Variants in ANK3 observed in about 807,000 individuals in gnomAD.
The protein encoded by ANK3 is ankyrin-3.
Under a neutral mutation model 370.9 loss-of-function variants are expected in ANK3, and 57 were observed. That is an observed-to-expected ratio of 0.15 (90% CI 0.12 to 0.19). ANK3 has a LOEUF of 0.19. Among genes scored for constraint, ANK3 ranks in the 10% least tolerant of loss-of-function variants. The pLI is 1.00. For missense variants in ANK3, 4,439 were observed against 5,302.1 expected (o/e 0.84, Z 5.06); for synonymous variants, 1,929 against 1,946.3 (o/e 0.99, Z 0.23).
At chr10:60,349,549 T>C (rs917842717) in intron 1 of ANK3, among the ~76,000 whole-genome samples, 3 of 152,096 alleles carry the variant, frequency 2.0e-5, no homozygotes, top group Non-Finnish European at 4.4e-5. Context: ...TATGAAAATC[T>C]TAATCCTTAC....
chr10:60,114,192 A>C, intron 26 of ANK3, 33 bp downstream of exon 26: 1 of 1,231,164 alleles, frequency 8.1e-7, no homozygotes, highest in Non-Finnish European at 1.2e-6. Context: ...TTCATGTAGT[A>C]GGATAATGAA....
chr10:60,665,211 A>T (rs2078981597), intron 1 of ANK3, among the ~76,000 whole-genome samples: 1 of 152,156 alleles, frequency 6.6e-6, no homozygotes, highest in South Asian at 2.1e-4. Flanking sequence ...ACTGTTAAAA[A>T]TTTATTTTTA....
intron 2 of ANK3, among the ~76,000 whole-genome samples, chr10:60,420,025 G>A (rs866555641): frequency 6.6e-6 from 1 of 152,086 alleles, no homozygotes; most frequent in Admixed American, 6.6e-5. Context: ...TGACACGGAT[G>A]ATCTCCAAAT....
intron 2 of ANK3, among the ~76,000 whole-genome samples, chr10:60,455,128 TG>T (rs1462889807): frequency 2.0e-5 from 3 of 152,204 alleles, no homozygotes; most frequent in Non-Finnish European, 4.4e-5. Flanking sequence ...AAGAGGTTTC[TG>T]GTTATGAAAA....
At position 60,092,794 on chromosome 10, in the gene ANK3, G is replaced by T. The variant is rs552800486; in HGVS notation, c.3329-4436C>A. 2.0e-5 allele frequency among the ~76,000 whole-genome samples: 3 copies of T among 152,298 alleles called. No individual in the cohort carries two copies. In the South Asian group the frequency reaches 6.2e-4, roughly 32 times the overall value. On this transcript the variant is annotated intron_variant, in intron 28 of 43. Coordinates refer to ENST00000280772, the MANE Select transcript of ANK3 (RefSeq NM_020987.5). ...TCTGTTGGCTAGGCTGGAGTGCAGG[G>T]GCATGATCTCAGCTCACTGCAACCT...
intron 14 of ANK3, among the ~76,000 whole-genome samples, chr10:60,196,942 G>T (rs2096596226): frequency 6.6e-6 from 1 of 152,156 alleles, no homozygotes; most frequent in Admixed American, 6.5e-5. Flanking sequence ...TCACCAGGAT[G>T]AAGTTGGAGA....
At chr10:60,089,448 G>T (rs2087588492) in intron 28 of ANK3, among the ~76,000 whole-genome samples, 1 of 145,640 alleles carries the variant, frequency 6.9e-6, no homozygotes, top group African/African-American at 2.6e-5. Flanking sequence ...TCTCACTCCA[G>T]TCCATCCAGG....
At chr10:60,088,070 T>G (rs1212777623) in intron 29 of ANK3, 77 bp downstream of exon 29, 1 of 1,171,554 alleles carries the variant, frequency 8.5e-7, no homozygotes, top group Non-Finnish European at 1.3e-6. Flanking sequence ...GATGTTAGAA[T>G]AACTCTTTCC....
chr10:60,372,399 TTC>T (rs1441664936), intron 1 of ANK3, among the ~76,000 whole-genome samples: 2 of 151,572 alleles, frequency 1.3e-5, no homozygotes, highest in Non-Finnish European at 2.9e-5. Flanking sequence ...GGTATCACGA[TTC>T]TCTGTCTTAT....
At chr10:60,512,090 G>C (rs145045576) in intron 2 of ANK3, among the ~76,000 whole-genome samples, 1 of 151,742 alleles carries the variant, frequency 6.6e-6, no homozygotes, top group Non-Finnish European at 1.5e-5. Context: ...AGGAACTTTC[G>C]TCTTTTCCAT....
intron 28 of ANK3, among the ~76,000 whole-genome samples, chr10:60,099,281 C>T (rs1052039629): frequency 7.9e-5 from 12 of 152,192 alleles, no homozygotes; most frequent in African/African-American, 2.9e-4. Context: ...ACAAGTCATT[C>T]ATTTCTCCGT....
rs1284863264 is a variant in ANK3 at position 60,389,582 on chromosome 10, T to C, written c.-44A>G. ...CTCTCAAGCACACACGGCTTCCTTG[T>C]AAAAGGTGATATCCTCAGGCACCTC... is the stretch of plus-strand genomic sequence containing the variant. On this transcript the variant is annotated 5_prime_UTR_variant, in exon 1 of 44. Coordinates refer to ENST00000280772, the MANE Select transcript of ANK3 (RefSeq NM_020987.5). The C allele has an allele frequency of 2.5e-6, 4 of 1,607,440 alleles. No homozygotes were observed. The highest frequency in any genetic ancestry group is 3.4e-5 in the Admixed American group (2 of 58,640).
intron 1 of ANK3, chr10:60,684,960 A>T: frequency 6.5e-7 from 1 of 1,545,176 alleles, no homozygotes; most frequent in Non-Finnish European, 8.9e-7. Context: ...AATTGTTAGC[A>T]ACAGGTGAAC....
chr10:60,229,836 G>A (rs934212366), intron 8 of ANK3, among the ~76,000 whole-genome samples: 16 of 152,154 alleles, frequency 1.1e-4, no homozygotes, highest in African/African-American at 1.9e-4. Flanking sequence ...CAGGAAGTGT[G>A]CTAAGTATGC....
At chr10:60,041,401 C>G (rs1376704084) in intron 43 of ANK3, among the ~76,000 whole-genome samples, 1 of 152,242 alleles carries the variant, frequency 6.6e-6, no homozygotes, top group African/African-American at 2.4e-5. Flanking sequence ...GGTTAAGTCT[C>G]TGGCAAACAA....
At chr10:60,141,342 G>A (rs985777709) in intron 23 of ANK3, among the ~76,000 whole-genome samples, 1 of 152,096 alleles carries the variant, frequency 6.6e-6, no homozygotes, top group Admixed American at 6.5e-5. Context: ...GAAGTGCAAA[G>A]CAAAGGGAGA....
chr10:60,129,299 T>C (rs1181424992), intron 25 of ANK3, among the ~76,000 whole-genome samples: 1 of 152,186 alleles, frequency 6.6e-6, no homozygotes, highest in Non-Finnish European at 1.5e-5. Flanking sequence ...TCTGCAGGCA[T>C]CTTGCTTTTA....
At chr10:60,516,480 A>T (rs547733713) in intron 2 of ANK3, among the ~76,000 whole-genome samples, 2 of 152,262 alleles carry the variant, frequency 1.3e-5, no homozygotes, top group Non-Finnish European at 2.9e-5. Flanking sequence ...CTTGGTTTTC[A>T]CTGTAACGTC....
chr10:60,244,750 T>C (rs1236617267), intron 7 of ANK3, among the ~76,000 whole-genome samples: 1 of 152,200 alleles, frequency 6.6e-6, no homozygotes, highest in Non-Finnish European at 1.5e-5. Context: ...CTACCATCCT[T>C]GTTCACGCTA....
Sources: allele counts gnomAD v4.1 joint callset (sites outside exome capture counted in the v4.1 genomes callset), GRCh38; gene constraint gnomAD v4.1.1; transcripts MANE v1.5; gene names NCBI Gene and HGNC (gene_info 2026-07-23, HGNC 2026-07-21).